SLC25A48: variants seen among roughly 807,000 people sequenced by gnomAD.
SLC25A48 encodes the protein solute carrier family 25 member 48, also known as CTC-321K16.1.
In SLC25A48, 29 loss-of-function variants were observed where a neutral mutation model predicts 32.2. The observed-to-expected ratio is 0.90, with a 90% CI of 0.67 to 1.23. SLC25A48 has a LOEUF of 1.23. SLC25A48 is among the 50% of genes most tolerant of loss of function. SLC25A48 has a pLI of 0.00. For missense variants in SLC25A48, 399 were observed against 422.7 expected (o/e 0.94, Z 0.49); for synonymous variants, 164 against 172.3 (o/e 0.95, Z 0.38).
At chr5:135,673,904 G>A (rs1003044000) in intron 3 of SLC25A48, among the ~76,000 whole-genome samples, 4 of 151,352 alleles carry the variant, frequency 2.6e-5, no homozygotes, top group African/African-American at 9.8e-5. Context: ...GTAAGATGAG[G>A]TAAGGGTCAA....
chr5:135,850,877 T>C (rs1004469674), intron 3 of SLC25A48, among the ~76,000 whole-genome samples: 1 of 152,156 alleles, frequency 6.6e-6, no homozygotes, highest in Admixed American at 6.5e-5. Flanking sequence ...CGGAGCCAGA[T>C]GTGTCTGAGC....
chr5:135,585,437 C>T (rs17168682), intron 1 of SLC25A48, among the ~76,000 whole-genome samples: 11,543 of 152,270 alleles, frequency 0.076, 443 homozygotes, highest in South Asian at 0.15. Flanking sequence ...GAGGCACCTG[C>T]TGTCCGCGTG....
intron 7 of SLC25A48, among the ~76,000 whole-genome samples, chr5:135,880,577 C>A (rs1762394220): frequency 6.6e-6 from 1 of 152,116 alleles, no homozygotes; most frequent in African/African-American, 2.4e-5. Context: ...TCTTTGCCTC[C>A]CATACCCTCT....
intron 3 of SLC25A48, among the ~76,000 whole-genome samples, chr5:135,754,925 G>T (rs1427131935): frequency 6.6e-6 from 1 of 151,902 alleles, no homozygotes; most frequent in Non-Finnish European, 1.5e-5. Flanking sequence ...ATAATATCCA[G>T]TGCTTACACA....
intron 3 of SLC25A48, among the ~76,000 whole-genome samples, chr5:135,784,721 C>T (rs1756794208): frequency 8.5e-6 from 1 of 117,892 alleles, no homozygotes; most frequent in African/African-American, 2.6e-5. Context: ...GTGTACATTC[C>T]CTCCATAGTA....
rs113722106 is a variant in SLC25A48, at chr5:135,794,590, T to A, written c.-520-17933T>A. Among the ~76,000 whole-genome samples, 516 of 151,820 alleles carry A rather than the reference T, an allele frequency of 3.4e-3. 3 individuals are homozygous for A. Among genetic ancestry groups the A allele is most frequent in the African/African-American group, 8.1e-3 (335 of 41,446 alleles). ...TATTGCAGAAGGTGTACACTCCCCA[T>A]GTGAAATTGTTCCTTATATTTAGGT... is the stretch of plus-strand genomic sequence containing the variant. On this transcript the variant is annotated intron_variant, in intron 3 of 10. Transcript: ENST00000646290.
At chr5:135,603,310 C>A (rs768236112) in intron 1 of SLC25A48, among the ~76,000 whole-genome samples, 8 of 152,270 alleles carry the variant, frequency 5.3e-5, no homozygotes, top group Admixed American at 2.0e-4. Flanking sequence ...CTGCACCCTG[C>A]AGCCTCACAG....
chr5:135,871,062 CACACACACACACACACACACACACA>C (rs1239495621), intron 4 of SLC25A48, among the ~76,000 whole-genome samples: 2 of 620 alleles, frequency 3.2e-3, no homozygotes, highest in Non-Finnish European at 7.6e-3. Flanking sequence ...TGTACACAGA[CACACACACACACACACACACACACA>C]CACACACACA....
intron 3 of SLC25A48, among the ~76,000 whole-genome samples, chr5:135,636,338 A>G (rs1354726142): frequency 6.6e-6 from 1 of 152,146 alleles, no homozygotes; most frequent in Admixed American, 6.5e-5. Flanking sequence ...ACTCTTAAGT[A>G]TTTTGTTCCA....
chr5:135,692,326 A>AG (rs1333731624), intron 3 of SLC25A48, among the ~76,000 whole-genome samples: 2 of 151,582 alleles, frequency 1.3e-5, no homozygotes, highest in Non-Finnish European at 2.9e-5. Flanking sequence ...CTCAAAAAAA[A>AG]AAAAAAAAAG....
intron 1 of SLC25A48, among the ~76,000 whole-genome samples, chr5:135,624,283 C>T (rs1752393769): frequency 6.6e-6 from 1 of 152,168 alleles, no homozygotes; most frequent in Non-Finnish European, 1.5e-5. Context: ...GGCAGGCGAG[C>T]AAACCGGGGC....
chr5:135,769,869 GATA>G (rs948198287), intron 3 of SLC25A48, among the ~76,000 whole-genome samples: 7 of 151,504 alleles, frequency 4.6e-5, no homozygotes, highest in African/African-American at 1.5e-4. Flanking sequence ...GAGGGGAAAG[GATA>G]ATATTACTCC....
chr5:135,582,510 A>T (rs145610923), intron 1 of SLC25A48, among the ~76,000 whole-genome samples: 58 of 152,246 alleles, frequency 3.8e-4, no homozygotes, highest in African/African-American at 1.3e-3. Flanking sequence ...AAAGGAATTA[A>T]CCAGTGACCA....
intron 3 of SLC25A48, among the ~76,000 whole-genome samples, chr5:135,703,821 T>G (rs1387446698): frequency 2.6e-5 from 4 of 152,170 alleles, no homozygotes; most frequent in African/African-American, 9.7e-5. Context: ...TCTGCCCTCT[T>G]CTCCAGGGCC....
At chr5:135,602,113 C>G (rs1751811000) in intron 1 of SLC25A48, among the ~76,000 whole-genome samples, 1 of 152,100 alleles carries the variant, frequency 6.6e-6, no homozygotes, top group Non-Finnish European at 1.5e-5. Context: ...GAGCCAGGGC[C>G]CACAGCAAAT....
chr5:135,884,464 T>G (rs1411733201), intron 7 of SLC25A48, among the ~76,000 whole-genome samples: 1 of 152,132 alleles, frequency 6.6e-6, no homozygotes, highest in African/African-American at 2.4e-5. Flanking sequence ...AGTGGGACAT[T>G]CATTCATTTG....
intron 1 of SLC25A48, among the ~76,000 whole-genome samples, chr5:135,593,480 C>A (rs1011746304): frequency 1.8e-4 from 28 of 152,174 alleles, no homozygotes; most frequent in African/African-American, 6.8e-4. Context: ...AAAAATGGGG[C>A]TTTGATGGAT....
intron 4 of SLC25A48, chr5:135,822,135 G>A (rs1446649328): frequency 6.6e-6 from 1 of 152,186 alleles, no homozygotes; most frequent in Non-Finnish European, 1.5e-5. Context: ...TGGATGGCAG[G>A]AAGGGTAGGG....
At chr5:135,656,703 T>G (rs1340621494) in intron 3 of SLC25A48, among the ~76,000 whole-genome samples, 1 of 152,172 alleles carries the variant, frequency 6.6e-6, no homozygotes. Context: ...AATTCTGGTT[T>G]CCTTATCAGA....
Sources: allele counts gnomAD v4.1 joint callset (sites outside exome capture counted in the v4.1 genomes callset), GRCh38; gene constraint gnomAD v4.1.1; transcripts MANE v1.5; gene names NCBI Gene and HGNC (gene_info 2026-07-23, HGNC 2026-07-21).